Variants in PDGFD observed in about 807,000 individuals in gnomAD.
The protein encoded by PDGFD is platelet derived growth factor D.
PDGFD carries 30 observed loss-of-function variants against 44.7 expected under a neutral mutation model. The ratio of observed to expected loss-of-function variants is 0.67; its 90% CI spans 0.50 to 0.91. The LOEUF is 0.91. PDGFD is among the 40% of genes least tolerant of loss of function. The pLI is 0.00. For synonymous variants in PDGFD, 173 were observed against 168.4 expected (o/e 1.03, Z -0.21); for missense variants, 445 against 457.8 (o/e 0.97, Z 0.25).
At chr11:104,115,128 T>A (rs1347144699) in intron 1 of PDGFD, among the ~76,000 whole-genome samples, 1 of 151,888 alleles carries the variant, frequency 6.6e-6, no homozygotes, top group Non-Finnish European at 1.5e-5. Flanking sequence ...CTCCCACTTA[T>A]GAGTGATTAC....
intron 3 of PDGFD, among the ~76,000 whole-genome samples, chr11:103,992,090 C>T (rs1028427578): frequency 6.6e-6 from 1 of 152,128 alleles, no homozygotes; most frequent in African/African-American, 2.4e-5. Flanking sequence ...TATCTCGCTA[C>T]CAAATATTTG....
intron 1 of PDGFD, among the ~76,000 whole-genome samples, chr11:104,041,048 C>A (rs1331228581): frequency 6.6e-6 from 1 of 151,916 alleles, no homozygotes; most frequent in Non-Finnish European, 1.5e-5. Flanking sequence ...TCAAAAACTG[C>A]AAAATTCTTA....
intron 5 of PDGFD, among the ~76,000 whole-genome samples, chr11:103,942,256 A>ACCTTTTAGGGAACATTTCAATT (rs796983028): frequency 6.6e-6 from 1 of 152,116 alleles, no homozygotes; most frequent in African/African-American, 2.4e-5. Flanking sequence ...GCCTTTCGAG[A>ACCTTTTAGGGAACATTTCAATT]CCTTTTAGGG....
chr11:103,927,458 C>G (rs1308843655), intron 5 of PDGFD, among the ~76,000 whole-genome samples: 1 of 152,090 alleles, frequency 6.6e-6, no homozygotes, highest in Non-Finnish European at 1.5e-5. Flanking sequence ...AAAATAATTG[C>G]CTTTATCTTC....
intron 6 of PDGFD, among the ~76,000 whole-genome samples, chr11:103,924,935 G>A (rs1217224334): frequency 6.6e-6 from 1 of 152,044 alleles, no homozygotes; most frequent in Non-Finnish European, 1.5e-5. Context: ...CCTACATTAG[G>A]TATTTCTCCT....
At position 104,100,696 on chromosome 11, in the gene PDGFD, C is replaced by T. The variant is rs548955333; in HGVS notation, c.124+63108G>A. Among the ~76,000 whole-genome samples, 7 of 152,252 alleles carry T rather than the reference C, an allele frequency of 4.6e-5. No homozygotes were observed. In the Middle Eastern group the frequency reaches 0.01, roughly 222 times the overall value. On this transcript the variant is annotated intron_variant, in intron 1 of 6. Coordinates refer to ENST00000393158, the MANE Select transcript of PDGFD (RefSeq NM_025208.5). The stretch of plus-strand genomic sequence containing the variant: ...CCCTGATGAACATCGATGCAAAAAT[C>T]CTCAATAAAATACTGGCAAACCGAA...
At chr11:103,994,268 C>A (rs745343514) in intron 3 of PDGFD, among the ~76,000 whole-genome samples, 4 of 152,292 alleles carry the variant, frequency 2.6e-5, no homozygotes, top group Admixed American at 6.5e-5. Context: ...AAAAATAATT[C>A]TTCTCTAAGC....
chr11:104,000,261 A>C lies in PDGFD; in HGVS notation c.125-6T>G. 1 of 1,611,632 alleles carries C rather than the reference A, an allele frequency of 6.2e-7. No individual in the cohort carries two copies. The highest frequency in any genetic ancestry group is 8.5e-7 in the Non-Finnish European group (1 of 1,178,018). ...GTCTGTGAGGTGATTGCTCTCTGTT[A>C]GTAGTCACAACTTGTAGAAATTAGT... On this transcript the variant is annotated splice_region_variant and splice_polypyrimidine_tract_variant and intron_variant, in intron 1 of 6. Coordinates refer to ENST00000393158, the MANE Select transcript of PDGFD (RefSeq NM_025208.5).
intron 1 of PDGFD, among the ~76,000 whole-genome samples, chr11:104,061,181 T>C (rs1014282092): frequency 2.0e-5 from 3 of 151,828 alleles, no homozygotes; most frequent in African/African-American, 7.3e-5. Context: ...AAAGGTAAAC[T>C]GTATAGTTTA....
chr11:104,151,668 T>C (rs1156910615), intron 1 of PDGFD, among the ~76,000 whole-genome samples: 1 of 152,160 alleles, frequency 6.6e-6, no homozygotes, highest in Non-Finnish European at 1.5e-5. Context: ...TGCTTTTATG[T>C]TCAGAAATAC....
In PDGFD at chr11:103,943,630, T is replaced by C; in HGVS notation, c.594A>G (p.Pro198=). The change falls in exon 5 of 7, where the codon CCA becomes CCG. Residue 198 remains proline (P), a synonymous_variant. Transcript: ENST00000393158. ...SSISGVSYNS[P]SVTDPTLIAD... ...CAATCAGAGTGGGATCCGTTACTGA[T>C]GGAGAGTTATAGGATACCCCCTAAG... The C allele has an allele frequency of 6.2e-7, 1 of 1,612,810 alleles. No individual in the cohort carries two copies. Among genetic ancestry groups the C allele is most frequent in the South Asian group, 1.1e-5 (1 of 90,952 alleles).
intron 1 of PDGFD, among the ~76,000 whole-genome samples, chr11:104,062,504 T>C (rs1363451620): frequency 6.6e-6 from 1 of 152,258 alleles, no homozygotes; most frequent in Non-Finnish European, 1.5e-5. Flanking sequence ...TTACAAGTTT[T>C]TTTGTTAGGC....
At chr11:104,065,527 T>G (rs1488815210) in intron 1 of PDGFD, among the ~76,000 whole-genome samples, 3 of 152,042 alleles carry the variant, frequency 2.0e-5, no homozygotes, top group Non-Finnish European at 4.4e-5. Flanking sequence ...TACTGGCAAA[T>G]AAATATAAAT....
chr11:103,937,967 G>C (rs951780035), intron 5 of PDGFD, among the ~76,000 whole-genome samples: 3 of 151,366 alleles, frequency 2.0e-5, no homozygotes, highest in African/African-American at 7.4e-5. Flanking sequence ...TGGACATTTA[G>C]GTTGGTTCCA....
chr11:104,053,401 C>A (rs1410827354), intron 1 of PDGFD, among the ~76,000 whole-genome samples: 1 of 152,136 alleles, frequency 6.6e-6, no homozygotes, highest in Non-Finnish European at 1.5e-5. Context: ...TTTAAAACTG[C>A]AGTTATATTA....
intron 1 of PDGFD, among the ~76,000 whole-genome samples, chr11:104,053,112 C>A (rs976472186): frequency 1.3e-5 from 2 of 152,116 alleles, no homozygotes; most frequent in African/African-American, 4.8e-5. Context: ...TGGTGAACTC[C>A]TCTGAAGAAC....
chr11:103,934,462 C>T (rs923442270), intron 5 of PDGFD, among the ~76,000 whole-genome samples: 15 of 152,276 alleles, frequency 9.9e-5, no homozygotes, highest in African/African-American at 3.1e-4. Context: ...TTACATCAGA[C>T]GTAACACTAT....
intron 1 of PDGFD, among the ~76,000 whole-genome samples, chr11:104,081,140 T>C (rs1291259431): frequency 6.6e-6 from 1 of 152,206 alleles, no homozygotes; most frequent in Non-Finnish European, 1.5e-5. Context: ...TTAACTTCTT[T>C]CAGTAAATAC....
chr11:103,929,610 A>T (rs1858369620), intron 5 of PDGFD, among the ~76,000 whole-genome samples: 1 of 152,186 alleles, frequency 6.6e-6, no homozygotes, highest in Non-Finnish European at 1.5e-5. Flanking sequence ...CACTAATGTC[A>T]CTAAGAACTG....
Sources: gnomAD v4.1 joint callset for allele counts (sites outside exome capture counted in the v4.1 genomes callset) on GRCh38, gnomAD v4.1.1 for gene constraint, MANE v1.5 for transcripts, NCBI Gene and HGNC (gene_info 2026-07-23, HGNC 2026-07-21) for gene names.